RBFOX1: variants seen among roughly 807,000 people sequenced by gnomAD.
The protein encoded by RBFOX1 is RNA binding fox-1 homolog 1, also known as RNA binding protein fox-1 homolog 1.
A neutral mutation model predicts 57.7 loss-of-function variants in RBFOX1; 8 were observed. The observed-to-expected ratio is 0.14, with a 90% CI of 0.08 to 0.25. RBFOX1 has a LOEUF of 0.25. Ranked by LOEUF, RBFOX1 falls within the 10% of genes least tolerant of loss-of-function variation. The pLI, the probability that RBFOX1 is intolerant of heterozygous loss-of-function variation, is 1.00. For synonymous variants in RBFOX1, 326 were observed against 222.4 expected, an observed-to-expected ratio of 1.47 and a Z score of -4.15; for missense variants, 611 against 548.5, an observed-to-expected ratio of 1.11 and a Z score of -1.14.
chr16:5,640,930 C>G (rs890169186), intron 3 of RBFOX1, among the ~76,000 whole-genome samples: 1 of 151,350 alleles, frequency 6.6e-6, no homozygotes, highest in Non-Finnish European at 1.5e-5. Context: ...TGCACATACA[C>G]TCATGCACAC....
At chr16:5,281,182 T>C (rs1340558602) in intron 1 of RBFOX1, among the ~76,000 whole-genome samples, 1 of 152,222 alleles carries the variant, frequency 6.6e-6, no homozygotes, top group African/African-American at 2.4e-5. Context: ...AATTTCTTCA[T>C]TGATGCAATG....
Position 5,744,665 on chromosome 16 carries a change from T to A in RBFOX1, c.319-122638T>A, listed in dbSNP as rs141191014. Among the ~76,000 whole-genome samples, 923 of 152,294 alleles carry A rather than the reference T, an allele frequency of 6.1e-3. 9 individuals carry two copies. The highest frequency in any genetic ancestry group is 0.021 in the African/African-American group (867 of 41,550). ...TTTACCATCTCACCCGATCTGAAAT[T>A]AAATGAAATAAAAGGCTTTTGCCAC... is the stretch of plus-strand genomic sequence containing the variant. On this transcript the variant is annotated intron_variant, in intron 3 of 19. Transcript: ENST00000641259.
chr16:6,753,520 C>G (rs528130686), intron 3 of RBFOX1, among the ~76,000 whole-genome samples: 118 of 152,300 alleles, frequency 7.7e-4, no homozygotes, highest in African/African-American at 2.8e-3. Context: ...CCATGTCTCT[C>G]TGCCTGTTTT....
intron 3 of RBFOX1, among the ~76,000 whole-genome samples, chr16:6,981,453 C>G (rs928965018): frequency 6.6e-6 from 1 of 152,128 alleles, no homozygotes; most frequent in Non-Finnish European, 1.5e-5. Flanking sequence ...GCATAGTATT[C>G]CATGGTGTGT....
intron 3 of RBFOX1, among the ~76,000 whole-genome samples, chr16:6,959,001 G>A (rs1262127601): frequency 6.6e-6 from 1 of 152,102 alleles, no homozygotes; most frequent in Non-Finnish European, 1.5e-5. Flanking sequence ...TAATTATAAG[G>A]AGAATATTAA....
At chr16:7,390,974 G>C (rs2098001713) in intron 4 of RBFOX1, among the ~76,000 whole-genome samples, 1 of 152,134 alleles carries the variant, frequency 6.6e-6, no homozygotes, top group African/African-American at 2.4e-5. Flanking sequence ...TTGGAACAGG[G>C]AGTTTCCTGG....
chr16:7,248,661 T>C (rs1329987279), intron 4 of RBFOX1, among the ~76,000 whole-genome samples: 2 of 152,190 alleles, frequency 1.3e-5, no homozygotes, highest in African/African-American at 2.4e-5. Flanking sequence ...TAGTTGCTTA[T>C]AGGAAATTCA....
intron 3 of RBFOX1, among the ~76,000 whole-genome samples, chr16:6,941,917 C>G (rs1021535536): frequency 2.6e-5 from 4 of 152,120 alleles, no homozygotes; most frequent in African/African-American, 9.7e-5. Flanking sequence ...AAGCAGTCCT[C>G]CCGCTTCAGT....
intron 2 of RBFOX1, among the ~76,000 whole-genome samples, chr16:5,508,973 G>A (rs537976842): frequency 7.4e-4 from 113 of 152,334 alleles, no homozygotes; most frequent in Non-Finnish European, 1.4e-3. Flanking sequence ...AGCAGTGGAT[G>A]TACTTAAACT....
chr16:7,189,144 G>T lies in RBFOX1; in HGVS notation c.27+137046G>T, dbSNP rs552678166. Among the ~76,000 whole-genome samples the T allele has an allele frequency of 5.9e-5, 9 of 151,888 alleles. 1 individual carries two copies. The highest frequency in any genetic ancestry group is 2.2e-4 in the African/African-American group (9 of 41,438). On this transcript the variant is annotated intron_variant, in intron 4 of 15. Coordinates refer to ENST00000550418, the MANE Select transcript of RBFOX1 (RefSeq NM_018723.4). ...GTGATTTCTAGAAAGGAATCCTCAG[G>T]GCTGGGCACGGTGGCTCATGCCTGT...
At chr16:6,284,241 C>G (rs1358538347) in intron 1 of RBFOX1, among the ~76,000 whole-genome samples, 1 of 152,102 alleles carries the variant, frequency 6.6e-6, no homozygotes. Context: ...GCTATTGGTA[C>G]TGAAATTAAC....
intron 4 of RBFOX1, among the ~76,000 whole-genome samples, chr16:7,101,056 A>G (rs1246330526): frequency 6.6e-6 from 1 of 152,200 alleles, no homozygotes; most frequent in African/African-American, 2.4e-5. Flanking sequence ...TATACACTAA[A>G]ACATCTCTCA....
At chr16:5,791,004 G>A (rs944003099) in intron 3 of RBFOX1, among the ~76,000 whole-genome samples, 2 of 151,956 alleles carry the variant, frequency 1.3e-5, no homozygotes, top group African/African-American at 2.4e-5. Context: ...AAGTAGCTGG[G>A]ATTACAGGTG....
intron 3 of RBFOX1, among the ~76,000 whole-genome samples, chr16:6,738,140 T>G (rs1236056734): frequency 6.6e-6 from 1 of 151,660 alleles, no homozygotes; most frequent in Non-Finnish European, 1.5e-5. Context: ...GGACCAGATG[T>G]AACCTCTCAT....
intron 2 of RBFOX1, among the ~76,000 whole-genome samples, chr16:6,583,091 C>G (rs1160624293): frequency 2.0e-5 from 3 of 152,020 alleles, no homozygotes; most frequent in East Asian, 1.9e-4. Flanking sequence ...ATTCTCCCCA[C>G]AAGGAAGAGG....
chr16:6,743,680 C>T (rs73543690), intron 3 of RBFOX1, among the ~76,000 whole-genome samples: 1 of 151,950 alleles, frequency 6.6e-6, no homozygotes, highest in African/African-American at 2.4e-5. Context: ...GAGGCTGAGG[C>T]TGCACTGGGC....
intron 3 of RBFOX1, among the ~76,000 whole-genome samples, chr16:6,708,084 G>C (rs1005213523): frequency 6.6e-6 from 1 of 152,166 alleles, no homozygotes; most frequent in Non-Finnish European, 1.5e-5. Flanking sequence ...GGTAGTAGAA[G>C]AAGCCACAGT....
rs557817058 is a variant in RBFOX1, at chr16:5,488,927, C to G, written c.258+21673C>G. Among the ~76,000 whole-genome samples the G allele has an allele frequency of 4.1e-4, 63 of 152,304 alleles. 1 individual carries two copies. Among genetic ancestry groups the G allele is most frequent in the African/African-American group, 1.5e-3 (63 of 41,548 alleles). On this transcript the variant is annotated intron_variant, in intron 2 of 2. Coordinates refer to the RBFOX1 transcript ENST00000585867. ...ACAATAGCTAAAACTTGAGTGCTGA[C>G]TTACATGTCAGTATTCTGGTAAGCA...
chr16:6,997,406 A>T (rs2092356529), intron 3 of RBFOX1, among the ~76,000 whole-genome samples: 2 of 152,216 alleles, frequency 1.3e-5, no homozygotes, highest in Non-Finnish European at 2.9e-5. Flanking sequence ...AATTTCCAAG[A>T]GGGAAACGGC....
Sources: gnomAD v4.1 joint callset for allele counts (sites outside exome capture counted in the v4.1 genomes callset) on GRCh38, gnomAD v4.1.1 for gene constraint, MANE v1.5 for transcripts, NCBI Gene and HGNC (gene_info 2026-07-23, HGNC 2026-07-21) for gene names.